RBM39: variants seen among roughly 807,000 people sequenced by gnomAD.
RBM39 encodes RNA-binding protein 39.
A neutral mutation model predicts 79.6 loss-of-function variants in RBM39; 12 were observed. The observed-to-expected ratio is 0.15, with a 90% CI of 0.10 to 0.24. The LOEUF is 0.24. Among genes scored for constraint, RBM39 ranks in the 10% least tolerant of loss-of-function variants. The pLI is 1.00. For missense variants in RBM39, 243 were observed against 653.4 expected, an observed-to-expected ratio of 0.37 and a Z score of 6.85; for synonymous variants, 185 against 208.4, an observed-to-expected ratio of 0.89 and a Z score of 0.97.
At chr20:35,741,920 C>A (rs1403065611) in intron 1 of RBM39, 21 bp downstream of exon 1, 3 of 174,788 alleles carry the variant, frequency 1.7e-5, no homozygotes, top group East Asian at 1.9e-4. Context: ...AGATAATACG[C>A]GGGTCCGCAA....
Position 35,704,641 on chromosome 20 carries a change from TCA to T in RBM39, c.1492+25_1492+26del, listed in dbSNP as rs559215992. The T allele has an allele frequency of 1.2e-4, 189 of 1,611,984 alleles. No homozygotes were observed. In the African/African-American group the frequency reaches 2.2e-3, roughly 19 times the overall value. The stretch of plus-strand genomic sequence containing the variant: ...CTTCATTATAGAGCCTTAATAACAA[TCA>T]GTCAAAAAATAAATTCAAACTCACC... On this transcript the variant is annotated intron_variant, in intron 16 of 16. Coordinates refer to ENST00000253363, the MANE Select transcript of RBM39 (RefSeq NM_184234.3).
intron 9 of RBM39, among the ~76,000 whole-genome samples, chr20:35,717,616 T>A (rs1364374515): frequency 6.6e-6 from 1 of 152,134 alleles, no homozygotes; most frequent in African/African-American, 2.4e-5. Context: ...CTAAAAACCA[T>A]TGAGTTTACG....
chr20:35,725,657 CTTTTTT>C (rs773506913), intron 6 of RBM39, among the ~76,000 whole-genome samples: 1 of 122,216 alleles, frequency 8.2e-6, no homozygotes, highest in African/African-American at 3.1e-5. Context: ...AACCCATTTT[CTTTTTT>C]TTTTTTTTTT....
At chr20:35,735,849 A>G (rs1311147923) in intron 3 of RBM39, among the ~76,000 whole-genome samples, 1 of 152,228 alleles carries the variant, frequency 6.6e-6, no homozygotes, top group Non-Finnish European at 1.5e-5. Context: ...AAAATTGTCC[A>G]TTCTCCTATT....
intron 4 of RBM39, chr20:35,731,377 T>A (rs1292156381): frequency 6.6e-6 from 1 of 152,380 alleles, no homozygotes; most frequent in African/African-American, 2.4e-5. Context: ...TTGGAATACC[T>A]TTTATTATTA....
chr20:35,739,867 ATTT>A, intron 2 of RBM39: 1 of 176,560 alleles, frequency 5.7e-6, no homozygotes, highest in South Asian at 1.1e-4. Context: ...TGAAATGTTT[ATTT>A]TAAAGTTTGA....
intron 12 of RBM39, 126 bp from the exon 13 acceptor site, chr20:35,709,400 A>C: frequency 1.4e-6 from 1 of 725,584 alleles, no homozygotes; most frequent in South Asian, 2.0e-5. Flanking sequence ...TGGCAGCAAA[A>C]CCTCCTTCCC....
intron 3 of RBM39, chr20:35,732,910 G>C (rs974966891): frequency 4.6e-5 from 7 of 152,096 alleles, no homozygotes; most frequent in Admixed American, 6.5e-5. Flanking sequence ...AGTCAATTTT[G>C]CCCCCATTTA....
rs751837362 is a variant in RBM39 at position 35,704,490 on chromosome 20, A to C, written c.1584T>G (p.Ser528Arg). ...GGGACTATATCTTCCTTCATCGTCT[A>C]CTTGGAACCAGTAGCTGTGTTGCTG... Reference protein sequence around the residue: ...SMTATQLLVPSRR With the variant: ...SMTATQLLVPRRR Residue 528 changes from serine to arginine, a missense_variant, in exon 17 of 17, where the codon AGT (serine) becomes AGG (arginine). Physicochemically the swap from Ser to Arg is moderately radical, Grantham distance 110. This residue lies in a region of RBM39 where 48 missense variants were observed against 130.2 expected (regional missense o/e 0.37). Coordinates refer to ENST00000253363, the MANE Select transcript of RBM39 (RefSeq NM_184234.3). 1.2e-6 allele frequency: 2 copies of C among 1,607,582 alleles called. No homozygotes were observed. The highest frequency in any genetic ancestry group is 2.2e-5 in the East Asian group (1 of 44,844).
intron 12 of RBM39, 162 bp from the exon 13 acceptor site, chr20:35,709,436 G>A: frequency 1.7e-6 from 1 of 576,646 alleles, no homozygotes; most frequent in Non-Finnish European, 3.0e-6. Flanking sequence ...AGGCTTTGGG[G>A]CCTTTTTTCC....
intron 9 of RBM39, among the ~76,000 whole-genome samples, chr20:35,718,568 T>G (rs1337531227): frequency 6.6e-6 from 1 of 151,610 alleles, no homozygotes; most frequent in Non-Finnish European, 1.5e-5. Flanking sequence ...TCCCACCACT[T>G]TGGGAGGCCG....
intron 13 of RBM39, 149 bp from the exon 14 acceptor site, chr20:35,707,350 G>GTA: frequency 4.5e-6 from 2 of 446,402 alleles, no homozygotes. Context: ...TGCTACTAAT[G>GTA]TATGTTATCA....
chr20:35,710,334 C>T (rs1440168278), intron 12 of RBM39: 6 of 152,100 alleles, frequency 3.9e-5, no homozygotes, highest in Non-Finnish European at 1.5e-5. Context: ...AGAAATGTAA[C>T]TGGTGTATAC....
At chr20:35,730,826 C>T (rs1304812041) in intron 4 of RBM39, among the ~76,000 whole-genome samples, 1 of 152,004 alleles carries the variant, frequency 6.6e-6, no homozygotes, top group Non-Finnish European at 1.5e-5. Flanking sequence ...ATTAAAATAG[C>T]ATTGTGGTCC....
At chr20:35,729,758 A>C (rs1388159261) in intron 4 of RBM39, among the ~76,000 whole-genome samples, 1 of 152,074 alleles carries the variant, frequency 6.6e-6, no homozygotes, top group Non-Finnish European at 1.5e-5. Flanking sequence ...CAGCCTCAAA[A>C]TTTTTAGATT....
At chr20:35,708,954 G>A (rs2036081056) in intron 13 of RBM39, 2 of 332,574 alleles carry the variant, frequency 6.0e-6, no homozygotes, top group African/African-American at 2.2e-5. Flanking sequence ...GAACACACAG[G>A]TAGGCATAAA....
chr20:35,706,631 T>C (rs1258237169), intron 14 of RBM39, among the ~76,000 whole-genome samples: 1 of 152,180 alleles, frequency 6.6e-6, no homozygotes, highest in African/African-American at 2.4e-5. Context: ...AGCATTCTAA[T>C]GCTAATAGTT....
chr20:35,714,810 CAT>C (rs1193475429), intron 10 of RBM39, among the ~76,000 whole-genome samples: 1 of 152,046 alleles, frequency 6.6e-6, no homozygotes, highest in Non-Finnish European at 1.5e-5. Context: ...ATATATAAAA[CAT>C]AAATACTTCA....
In RBM39 at chr20:35,703,574, TAACTTTAAAACATTTGAAAAATG is replaced by T. The variant is rs2035399524; in HGVS notation, c.*884_*906del. 1.3e-5 allele frequency: 2 copies of T among 152,624 alleles called. No homozygotes were observed. The allele number at this position is 152,624 out of a possible 1,614,324, so 9.5% of individuals were successfully genotyped here. On this transcript the variant is annotated 3_prime_UTR_variant, in exon 17 of 17. Transcript: ENST00000253363. The stretch of plus-strand genomic sequence containing the variant: ...AGCTAATTCTGTTCTCAAATTTCTG[TAACTTTAAAACATTTGAAAAATG>T]AAGATCTCCTGTGGCCTTTTTAAGA...
Sources: gnomAD v4.1 joint callset for allele counts (sites outside exome capture counted in the v4.1 genomes callset) on GRCh38, gnomAD v4.1.1 for gene constraint, gnomAD v4.1.1 regional missense constraint, MANE v1.5 for transcripts, NCBI Gene and HGNC (gene_info 2026-07-23, HGNC 2026-07-21) for gene names.